The following CFAP77 variants were observed in gnomAD, a reference collection of about 807,000 sequenced individuals.
CFAP77 encodes cilia- and flagella-associated protein 77.
CFAP77 carries 25 observed loss-of-function variants against 31.1 expected under a neutral mutation model. The ratio of observed to expected loss-of-function variants is 0.80; its 90% CI spans 0.59 to 1.12. CFAP77 has a LOEUF of 1.12. CFAP77 is among the 50% of genes most tolerant of loss of function. The pLI, the probability that CFAP77 is intolerant of heterozygous loss-of-function variation, is 0.00. For synonymous variants in CFAP77, 151 were observed against 159.9 expected (o/e 0.94, Z 0.42); for missense variants, 377 against 397.3 (o/e 0.95, Z 0.44).
intron 4 of CFAP77, among the ~76,000 whole-genome samples, chr9:132,538,711 G>T (rs1030557398): frequency 1.3e-5 from 2 of 152,130 alleles, no homozygotes; most frequent in Non-Finnish European, 2.9e-5. Context: ...CTGGGAGGCG[G>T]AGGTTGCAGT....
Position 132,424,193 on chromosome 9 carries a change from G to A in CFAP77, c.195+13727G>A, listed in dbSNP as rs1276035856. Among the ~76,000 whole-genome samples, 1 of 152,170 alleles carries A rather than the reference G, an allele frequency of 6.6e-6. No homozygotes were observed. Among genetic ancestry groups the A allele is most frequent in the Non-Finnish European group, 1.5e-5 (1 of 68,024 alleles). ...GAGGCAGAGGCAGGCAGATCATGAG[G>A]TCAGGAGATGGAGACCATCCTGGCT... On this transcript the variant is annotated intron_variant, in intron 1 of 5. Coordinates refer to ENST00000393216, the MANE Select transcript of CFAP77 (RefSeq NM_001282957.2). This position sits in a 1 kb window ranked among gnomAD's most constrained non-coding sequence, Gnocchi z 4.1.
intron 1 of CFAP77, among the ~76,000 whole-genome samples, chr9:132,453,137 T>C (rs1850854794): frequency 6.6e-6 from 1 of 152,216 alleles, no homozygotes; most frequent in Non-Finnish European, 1.5e-5. Context: ...CTTCCCTTCA[T>C]GCCCTCAGTG....
In CFAP77 at chr9:132,410,299, G is replaced by T. The variant is rs750854112; in HGVS notation, c.28G>T (p.Asp10Tyr). 8.1e-5 allele frequency: 129 copies of T among 1,590,340 alleles called. No homozygotes were observed. Among genetic ancestry groups the T allele is most frequent in the Non-Finnish European group, 1.0e-4 (122 of 1,170,200 alleles). The change falls in exon 1 of 6, where the codon GAC becomes TAC. Residue 10 changes from aspartate to tyrosine, a missense_variant. Asp to Tyr is a radical substitution (Grantham distance 160, BLOSUM62 -3). Transcript: ENST00000393216. MPEARSSGP[D>Y]LTRWRKQQQP... The stretch of plus-strand genomic sequence containing the variant: ...GCCAGAGGCCAGGAGCTCCGGCCCG[G>T]ACCTCACGCGATGGAGGAAGCAGCA...
intron 1 of CFAP77, among the ~76,000 whole-genome samples, chr9:132,418,321 G>C (rs534436103): frequency 6.6e-6 from 1 of 152,324 alleles, no homozygotes; most frequent in East Asian, 1.9e-4. Context: ...CTATACACTG[G>C]ACAGCGCTCC....
At chr9:132,513,334 C>G in intron 3 of CFAP77, 3 of 1,546,454 alleles carry the variant, frequency 1.9e-6, no homozygotes, top group Non-Finnish European at 2.6e-6. Context: ...GGATTTAGCA[C>G]GCTAACCATC....
chr9:132,456,755 T>A (rs72765882), intron 1 of CFAP77, among the ~76,000 whole-genome samples: 10,967 of 145,636 alleles, frequency 0.075, 386 homozygotes, highest in Middle Eastern at 0.12. Flanking sequence ...TTAAAAAAAA[T>A]TTTTTTTTTT....
chr9:132,459,645 A>G (rs1177729691), intron 1 of CFAP77, among the ~76,000 whole-genome samples: 1 of 149,508 alleles, frequency 6.7e-6, no homozygotes, highest in Non-Finnish European at 1.5e-5. Context: ...ATGTGTATGT[A>G]TGTGTGTATA....
chr9:132,425,991 C>T (rs564746530), intron 1 of CFAP77, among the ~76,000 whole-genome samples: 1 of 152,316 alleles, frequency 6.6e-6, no homozygotes, highest in East Asian at 1.9e-4. Context: ...CATTGAAAAT[C>T]TACATGAAAG....
intron 5 of CFAP77, among the ~76,000 whole-genome samples, chr9:132,553,550 C>T (rs965895340): frequency 3.3e-5 from 5 of 152,238 alleles, no homozygotes; most frequent in African/African-American, 1.2e-4. Flanking sequence ...CCTTCCACCT[C>T]CTTGTTGTGT....
At chr9:132,416,433 C>A (rs1850100965) in intron 1 of CFAP77, among the ~76,000 whole-genome samples, 1 of 150,444 alleles carries the variant, frequency 6.6e-6, no homozygotes, top group Middle Eastern at 3.3e-3. Context: ...CTCCGCCTCC[C>A]CGGTTCAAGG....
chr9:132,508,641 TG>T, intron 3 of CFAP77, among the ~76,000 whole-genome samples: 2 of 152,042 alleles, frequency 1.3e-5, no homozygotes, highest in South Asian at 4.2e-4. Context: ...GAGTGTGTGT[TG>T]GAAGGGGGCA....
Position 132,424,045 on chromosome 9 carries a change from C to T in CFAP77, c.195+13579C>T, listed in dbSNP as rs375836766. Among the ~76,000 whole-genome samples the T allele has an allele frequency of 1.2e-4, 19 of 152,202 alleles. No individual in the cohort carries two copies. The highest frequency in any genetic ancestry group is 9.6e-4 in the East Asian group (5 of 5,196). On this transcript the variant is annotated intron_variant, in intron 1 of 5. Transcript: ENST00000393216. This position sits in a 1 kb window ranked among gnomAD's most constrained non-coding sequence, Gnocchi z 4.1. ...GCAGAAAATTCACATCACACACGTG[C>T]ACCTACGGCCAGAAGTTGACTGCAC...
At position 132,482,095 on chromosome 9, in the gene CFAP77, A is replaced by T. The variant is rs908278321; in HGVS notation, c.196-16600A>T. ...ATGATCCCTGCAGCTGTCAAAACTT[A>T]AAACAGTTCAGTTTTCCTTTGATTT... is the stretch of plus-strand genomic sequence containing the variant. On this transcript the variant is annotated intron_variant, in intron 1 of 5. Coordinates refer to ENST00000393216, the MANE Select transcript of CFAP77 (RefSeq NM_001282957.2). Among the ~76,000 whole-genome samples, 127 of 152,204 alleles carry T rather than the reference A, an allele frequency of 8.3e-4. 1 individual carries two copies. The highest frequency in any genetic ancestry group is 2.9e-3 in the Admixed American group (45 of 15,282).
chr9:132,505,693 G>A (rs1040132369), intron 3 of CFAP77, among the ~76,000 whole-genome samples: 1 of 152,170 alleles, frequency 6.6e-6, no homozygotes, highest in Non-Finnish European at 1.5e-5. Context: ...GCCTGGGCAA[G>A]TGGATCTGCG....
At chr9:132,557,663 T>C (rs904121971) in intron 5 of CFAP77, among the ~76,000 whole-genome samples, 1 of 152,204 alleles carries the variant, frequency 6.6e-6, no homozygotes, top group Non-Finnish European at 1.5e-5. Context: ...TGTCAGTCCT[T>C]ACTTTGTTCT....
At chr9:132,563,272 C>T (rs1405782541) in intron 5 of CFAP77, among the ~76,000 whole-genome samples, 1 of 152,188 alleles carries the variant, frequency 6.6e-6, no homozygotes, top group Non-Finnish European at 1.5e-5. Flanking sequence ...CCTCAGCCTC[C>T]CAAAAAGCTG....
intron 1 of CFAP77, among the ~76,000 whole-genome samples, chr9:132,421,904 A>T (rs905536868): frequency 3.9e-5 from 6 of 152,128 alleles, no homozygotes; most frequent in African/African-American, 1.4e-4. Context: ...CTTCTCTCCC[A>T]TCCTTCATTT....
At chr9:132,413,693 A>G (rs562402747) in intron 1 of CFAP77, among the ~76,000 whole-genome samples, 1 of 152,274 alleles carries the variant, frequency 6.6e-6, no homozygotes, top group Non-Finnish European at 1.5e-5. Context: ...TGTCAATACA[A>G]TTATAGGGAG....
At chr9:132,519,528 A>G (rs1453640121) in intron 3 of CFAP77, among the ~76,000 whole-genome samples, 688 of 106,520 alleles carry the variant, frequency 6.5e-3, no homozygotes, top group Non-Finnish European at 7.9e-3. Context: ...GGGTAGATGG[A>G]TGGATGGATG....
Sources: allele counts gnomAD v4.1 joint callset (sites outside exome capture counted in the v4.1 genomes callset), GRCh38; gene constraint gnomAD v4.1.1; non-coding constraint Gnocchi (gnomAD v3.1); transcripts MANE v1.5; gene names NCBI Gene and HGNC (gene_info 2026-07-23, HGNC 2026-07-21).